SPAG16: variants seen among roughly 807,000 people sequenced by gnomAD.
SPAG16 encodes the protein sperm-associated antigen 16 protein.
Under a neutral mutation model 80.4 loss-of-function variants are expected in SPAG16, and 86 were observed. That is an observed-to-expected ratio of 1.07 (90% confidence interval 0.90 to 1.28). SPAG16 has a LOEUF of 1.28. SPAG16 is among the 50% of genes most tolerant of loss of function. The pLI is 0.00. For synonymous variants in SPAG16, 294 were observed against 265.9 expected, an observed-to-expected ratio of 1.11 and a Z score of -1.03; for missense variants, 870 against 765.3, an observed-to-expected ratio of 1.14 and a Z score of -1.61.
chr2:214,340,268 G>A (rs13005851), intron 15 of SPAG16, among the ~76,000 whole-genome samples: 73,693 of 152,056 alleles, frequency 0.48, 21,406 homozygotes, highest in Non-Finnish European at 0.65. Flanking sequence ...CAGCATATGG[G>A]AAGGGTACAC....
At chr2:213,872,186 G>A (rs1382856097) in intron 11 of SPAG16, among the ~76,000 whole-genome samples, 2 of 152,078 alleles carry the variant, frequency 1.3e-5, no homozygotes, top group African/African-American at 4.8e-5. Flanking sequence ...GATGAAGGCA[G>A]AATGGTCAGA....
chr2:213,722,888 TG>T (rs1157069061), intron 10 of SPAG16, among the ~76,000 whole-genome samples: 15 of 152,128 alleles, frequency 9.9e-5, no homozygotes, highest in Admixed American at 9.8e-4. Flanking sequence ...GCTTAGGATT[TG>T]ATTTTTATTT....
chr2:213,530,792 A>G (rs2076041031), intron 10 of SPAG16, among the ~76,000 whole-genome samples: 1 of 152,106 alleles, frequency 6.6e-6, no homozygotes, highest in Non-Finnish European at 1.5e-5. Flanking sequence ...TAAGGTCATT[A>G]TAAGTGATAC....
chr2:213,987,628 T>G (rs2046077256), intron 12 of SPAG16, among the ~76,000 whole-genome samples: 1 of 151,942 alleles, frequency 6.6e-6, no homozygotes, highest in African/African-American at 2.4e-5. Flanking sequence ...TGTAGCTTTG[T>G]CCACTTGGCC....
chr2:214,155,757 CCTACA>C (rs965981392), intron 15 of SPAG16, among the ~76,000 whole-genome samples: 1 of 152,148 alleles, frequency 6.6e-6, no homozygotes, highest in African/African-American at 2.4e-5. Flanking sequence ...TGGATCTTGT[CCTACA>C]CTAAAGTCTT....
chr2:214,045,843 G>T (rs1004606755), intron 13 of SPAG16, among the ~76,000 whole-genome samples: 2 of 151,816 alleles, frequency 1.3e-5, no homozygotes, highest in African/African-American at 2.4e-5. Context: ...TAGCAGAAAA[G>T]AAATAATAAA....
chr2:214,114,608 G>A (rs571452931), intron 14 of SPAG16, among the ~76,000 whole-genome samples: 1 of 152,152 alleles, frequency 6.6e-6, no homozygotes, highest in Non-Finnish European at 1.5e-5. Flanking sequence ...CCCCTGCCCC[G>A]AGCCAGGCAC....
intron 10 of SPAG16, among the ~76,000 whole-genome samples, chr2:213,687,673 C>G (rs1032113452): frequency 1.3e-5 from 2 of 151,616 alleles, no homozygotes; most frequent in African/African-American, 2.4e-5. Flanking sequence ...TTTGTCTGAC[C>G]CCTTTCGAGA....
chr2:213,732,322 T>C (rs1468044093), intron 10 of SPAG16, among the ~76,000 whole-genome samples: 1 of 120,806 alleles, frequency 8.3e-6, no homozygotes, highest in Non-Finnish European at 1.8e-5. Flanking sequence ...GAACTCCCAT[T>C]CACGATTGCC....
chr2:214,208,587 A>C (rs1365538472), intron 15 of SPAG16, among the ~76,000 whole-genome samples: 1 of 152,190 alleles, frequency 6.6e-6, no homozygotes, highest in Non-Finnish European at 1.5e-5. Flanking sequence ...TTGGCTCTAG[A>C]GCTAGAATGA....
intron 15 of SPAG16, among the ~76,000 whole-genome samples, chr2:214,297,674 C>G (rs758582828): frequency 6.6e-6 from 1 of 151,998 alleles, no homozygotes; most frequent in Non-Finnish European, 1.5e-5. Flanking sequence ...TCTGGGTTCT[C>G]TATTCTGTTT....
intron 14 of SPAG16, among the ~76,000 whole-genome samples, chr2:214,146,473 A>G (rs6748348): frequency 0.98 from 149,804 of 152,280 alleles, 73,728 homozygotes; most frequent in East Asian, 1. Context: ...TCACCTGCAA[A>G]ACTGCTTTGG....
chr2:213,756,318 A>T (rs990066519), intron 10 of SPAG16, among the ~76,000 whole-genome samples: 14 of 152,232 alleles, frequency 9.2e-5, no homozygotes, highest in Middle Eastern at 3.4e-3. Context: ...CCGTCTCAAA[A>T]AAATAAATAA....
At chr2:213,406,524 C>A (rs1575504262) in intron 9 of SPAG16, among the ~76,000 whole-genome samples, 1 of 151,882 alleles carries the variant, frequency 6.6e-6, no homozygotes, top group South Asian at 2.1e-4. Context: ...TGTTATGAAC[C>A]AAAATAAGTC....
chr2:214,377,113 T>C (rs560208362), intron 15 of SPAG16, among the ~76,000 whole-genome samples: 2 of 152,278 alleles, frequency 1.3e-5, no homozygotes, highest in African/African-American at 4.8e-5. Flanking sequence ...TGTGGTGAGC[T>C]CAAGTGTTGT....
chr2:213,331,437 T>G (rs565585554), intron 5 of SPAG16, among the ~76,000 whole-genome samples: 2 of 152,226 alleles, frequency 1.3e-5, no homozygotes, highest in Non-Finnish European at 2.9e-5. Context: ...CACCCAGATA[T>G]ATAAAGCAAA....
chr2:214,279,478 C>T lies in SPAG16; in HGVS notation c.1720+130212C>T, dbSNP rs192709045. ...CTGCTTTCAGAGAATTTCTGAGCCA[C>T]AACTCGAGAAAGGAGAGCCCAGATG... On this transcript the variant is annotated intron_variant, in intron 15 of 15. Transcript: ENST00000331683. Among the ~76,000 whole-genome samples the T allele has an allele frequency of 5.8e-4, 89 of 152,154 alleles. 1 individual carries two copies. In the Middle Eastern group the frequency reaches 0.01, roughly 17 times the overall value.
chr2:214,251,175 G>T (rs956263168), intron 15 of SPAG16, among the ~76,000 whole-genome samples: 1 of 151,188 alleles, frequency 6.6e-6, no homozygotes, highest in Non-Finnish European at 1.5e-5. Flanking sequence ...TAGGGTTTGG[G>T]TGAATATATT....
chr2:214,311,807 A>C (rs1479854729), intron 15 of SPAG16: 1 of 152,150 alleles, frequency 6.6e-6, no homozygotes, highest in African/African-American at 2.4e-5. Flanking sequence ...GTTTCCCTTT[A>C]GTTAGTTAAG....
Sources: gnomAD v4.1 joint callset for allele counts (sites outside exome capture counted in the v4.1 genomes callset) on GRCh38, gnomAD v4.1.1 for gene constraint, MANE v1.5 for transcripts, NCBI Gene and HGNC (gene_info 2026-07-23, HGNC 2026-07-21) for gene names.